The following LRP1B variants were observed in gnomAD, a reference collection of about 807,000 sequenced individuals.
The protein encoded by LRP1B is LDL receptor related protein 1B, also known as low-density lipoprotein receptor-related protein 1B.
Under a neutral mutation model 556.6 loss-of-function variants are expected in LRP1B, and 217 were observed. The ratio of observed to expected loss-of-function variants is 0.39; its 90% CI spans 0.35 to 0.44. LRP1B has a LOEUF of 0.44. Among genes scored for constraint, LRP1B ranks in the 20% least tolerant of loss-of-function variants. LRP1B has a pLI of 1.00. For synonymous variants in LRP1B, 2,047 were observed against 1,865.8 expected (o/e 1.10, Z -2.50); for missense variants, 5,053 against 5,620.8 (o/e 0.90, Z 3.23).
chr2:140,908,815 T>C (rs572156861), intron 21 of LRP1B, among the ~76,000 whole-genome samples: 2 of 152,340 alleles, frequency 1.3e-5, no homozygotes, highest in South Asian at 4.1e-4. Context: ...TTGTTTTGTT[T>C]TGTGATGGAG....
intron 1 of LRP1B, among the ~76,000 whole-genome samples, chr2:141,991,700 T>C (rs1559007865): frequency 1.3e-5 from 2 of 152,074 alleles, no homozygotes; most frequent in East Asian, 3.9e-4. Flanking sequence ...TGACTAAACT[T>C]ACATAAGGAG....
At chr2:141,650,463 G>A (rs1428808522) in intron 2 of LRP1B, among the ~76,000 whole-genome samples, 1 of 152,108 alleles carries the variant, frequency 6.6e-6, no homozygotes, top group Admixed American at 6.5e-5. Context: ...AAGAACAAAG[G>A]AAAGCTTTGA....
At chr2:140,952,209 A>T (rs1695737824) in intron 18 of LRP1B, among the ~76,000 whole-genome samples, 1 of 152,232 alleles carries the variant, frequency 6.6e-6, no homozygotes, top group South Asian at 2.1e-4. Flanking sequence ...ATACTGCTAG[A>T]AAAATGAATA....
At chr2:141,218,510 T>G (rs554434358) in intron 6 of LRP1B, among the ~76,000 whole-genome samples, 1 of 152,284 alleles carries the variant, frequency 6.6e-6, no homozygotes, top group Admixed American at 6.5e-5. Flanking sequence ...GAAGCCATTA[T>G]CCTAAGTGAG....
chr2:141,149,821 G>T (rs929196524), intron 7 of LRP1B, among the ~76,000 whole-genome samples: 5 of 152,144 alleles, frequency 3.3e-5, no homozygotes, highest in African/African-American at 1.2e-4. Context: ...AAAGAGTTGG[G>T]ATTTAAAAGC....
chr2:140,678,381 A>C (rs906837386), intron 41 of LRP1B, among the ~76,000 whole-genome samples: 1 of 152,168 alleles, frequency 6.6e-6, no homozygotes, highest in Non-Finnish European at 1.5e-5. Flanking sequence ...TATTTGTTAG[A>C]AAGATTCATG....
intron 25 of LRP1B, among the ~76,000 whole-genome samples, chr2:140,873,276 C>T (rs1028980950): frequency 1.3e-5 from 2 of 152,054 alleles, no homozygotes; most frequent in Non-Finnish European, 2.9e-5. Flanking sequence ...TCTTTGCTTG[C>T]ATGATCTTTA....
chr2:140,705,717 T>C (rs1686814302), intron 37 of LRP1B, among the ~76,000 whole-genome samples: 1 of 151,970 alleles, frequency 6.6e-6, no homozygotes, highest in South Asian at 2.1e-4. Context: ...AAAATTATTC[T>C]AAGTAAAACT....
At chr2:141,889,600 A>C (rs1699222354) in intron 1 of LRP1B, among the ~76,000 whole-genome samples, 1 of 152,160 alleles carries the variant, frequency 6.6e-6, no homozygotes, top group Admixed American at 6.5e-5. Flanking sequence ...GTTACTAAAG[A>C]GCATAGACCA....
At chr2:141,026,272 T>C (rs1215118103) in intron 11 of LRP1B, among the ~76,000 whole-genome samples, 1 of 152,160 alleles carries the variant, frequency 6.6e-6, no homozygotes, top group Non-Finnish European at 1.5e-5. Flanking sequence ...CTTGGACAAT[T>C]TAATTTCACA....
chr2:140,291,772 G>A (rs1683400314), intron 84 of LRP1B, among the ~76,000 whole-genome samples: 1 of 152,106 alleles, frequency 6.6e-6, no homozygotes, highest in South Asian at 2.1e-4. Context: ...ATAAACATAT[G>A]TGTGCATGTT....
At chr2:140,238,122 C>A in intron 89 of LRP1B, 30 bp downstream of exon 89, 1 of 1,551,664 alleles carries the variant, frequency 6.4e-7, no homozygotes, top group Non-Finnish European at 8.7e-7. Flanking sequence ...AATGTTAGTG[C>A]TCACTGCCCA....
At chr2:141,909,524 ACATTTTTTTT>A (rs1699848595) in intron 1 of LRP1B, among the ~76,000 whole-genome samples, 4 of 104,486 alleles carry the variant, frequency 3.8e-5, no homozygotes, top group South Asian at 3.1e-4. Context: ...AAGGTCTCAG[ACATTTTTTTT>A]TTTTTTTTTT....
rs188876164 is a variant in LRP1B, at chr2:140,784,231, T to C, written c.5360-7993A>G. 5.5e-3 allele frequency among the ~76,000 whole-genome samples: 831 copies of C among 152,186 alleles called. 8 individuals are homozygous for C. The highest frequency in any genetic ancestry group is 8.3e-3 in the Non-Finnish European group (562 of 68,002). ...AAGAACCACAGACCTAACTGCTAAA[T>C]TAGACCTCAGTCCCCTACCCTGACT... On this transcript the variant is annotated intron_variant, in intron 32 of 90. Transcript: ENST00000389484.
At chr2:140,411,744 T>C (rs1684977535) in intron 66 of LRP1B, among the ~76,000 whole-genome samples, 2 of 151,268 alleles carry the variant, frequency 1.3e-5, no homozygotes, top group African/African-American at 4.8e-5. Context: ...AAAATAATAA[T>C]ATCAATACCA....
At position 141,015,842 on chromosome 2, in the gene LRP1B, C is replaced by T. The variant is rs2105389463; in HGVS notation, c.2044G>A (p.Asp682Asn). The T allele has an allele frequency of 6.2e-7, 1 of 1,613,670 alleles. No individual in the cohort carries two copies. Among genetic ancestry groups the T allele is most frequent in the Admixed American group, 1.7e-5 (1 of 59,970 alleles). Reference protein sequence around the residue: ...SVGRIEKAWMDGFNRQIFVTS... With the variant: ...SVGRIEKAWMNGFNRQIFVTS... Reference sequence around the variant, plus strand: ...ACAAAAATCTGCCGATTGAATCCATCCATCCAGGCCTTCTCAATCCTTCCC... The same window carrying T: ...ACAAAAATCTGCCGATTGAATCCATTCATCCAGGCCTTCTCAATCCTTCCC... The change falls in exon 13 of 91, where the codon GAT becomes AAT. Residue 682 changes from aspartate to asparagine, a missense_variant. By Grantham distance (23) the Asp-to-Asn change is conservative (BLOSUM62 1). Transcript: ENST00000389484.
Position 141,620,959 on chromosome 2 carries a change from A to AAG in LRP1B, c.206-140428_206-140427dup, listed in dbSNP as rs1553544400. On this transcript the variant is annotated intron_variant, in intron 2 of 90. Transcript: ENST00000389484. ...TTCATTAACCTTTTAATAAAAAAAA[A>AAG]AGGTATATTTCTCATTTGTTCAACT... is the stretch of plus-strand genomic sequence containing the variant. 1.3e-5 allele frequency among the ~76,000 whole-genome samples: 2 copies of AAG among 151,620 alleles called. 1 individual carries two copies. Among genetic ancestry groups the AAG allele is most frequent in the South Asian group, 4.2e-4 (2 of 4,810 alleles).
At chr2:140,696,566 C>T (rs1303441839) in intron 41 of LRP1B, among the ~76,000 whole-genome samples, 2 of 152,066 alleles carry the variant, frequency 1.3e-5, no homozygotes, top group Non-Finnish European at 2.9e-5. Flanking sequence ...GTTGCCAACC[C>T]CTGGACCACA....
At chr2:141,614,764 G>A (rs765957768) in intron 2 of LRP1B, among the ~76,000 whole-genome samples, 5 of 152,214 alleles carry the variant, frequency 3.3e-5, no homozygotes, top group Non-Finnish European at 7.3e-5. Context: ...AGGAATCTAA[G>A]CAACTGACAC....
Sources: allele counts gnomAD v4.1 joint callset (sites outside exome capture counted in the v4.1 genomes callset), GRCh38; gene constraint gnomAD v4.1.1; transcripts MANE v1.5; gene names NCBI Gene and HGNC (gene_info 2026-07-23, HGNC 2026-07-21).